The following ATOX1 variants were observed in gnomAD, a reference collection of about 807,000 sequenced individuals.
The protein encoded by ATOX1 is antioxidant 1 copper chaperone.
ATOX1 carries 4 observed loss-of-function variants against 7.3 expected under a neutral mutation model. The ratio of observed to expected loss-of-function variants is 0.55; its 90% CI spans 0.27 to 1.25. ATOX1 has a LOEUF of 1.25. Among genes scored for constraint, ATOX1 ranks in the 50% most tolerant of loss-of-function variants. The probability of loss-of-function intolerance (pLI) is 0.12; values close to 1 mark genes in which losing one functional copy is unlikely to be tolerated. For synonymous variants in ATOX1, 25 were observed against 28.7 expected, an observed-to-expected ratio of 0.87 and a Z score of 0.41; for missense variants, 68 against 81.6, an observed-to-expected ratio of 0.83 and a Z score of 0.64.
intron 1 of ATOX1, among the ~76,000 whole-genome samples, chr5:151,754,325 T>C (rs998737188): frequency 2.0e-5 from 3 of 152,182 alleles, no homozygotes; most frequent in Non-Finnish European, 4.4e-5. Flanking sequence ...AAAGTTTTTT[T>C]AGGCTGGGCA....
intron 1 of ATOX1, chr5:151,751,986 A>G (rs1187940199): frequency 2.0e-5 from 12 of 602,164 alleles, no homozygotes; most frequent in South Asian, 6.0e-5. Flanking sequence ...GTTGTATTCA[A>G]TGGAATCATC....
At chr5:151,748,617 T>C (rs532379837) in intron 2 of ATOX1, among the ~76,000 whole-genome samples, 19 of 152,260 alleles carry the variant, frequency 1.2e-4, no homozygotes, top group Admixed American at 1.1e-3. Context: ...ATCCCAGCAC[T>C]TTGGGAGGCT....
chr5:151,752,133 C>G (rs1428504400), intron 1 of ATOX1: 4 of 625,130 alleles, frequency 6.4e-6, no homozygotes, highest in Non-Finnish European at 1.1e-5. Flanking sequence ...CCACCAGTAA[C>G]TCTGACAGGG....
chr5:151,744,283 T>C (rs1761856155), intron 3 of ATOX1: 1 of 152,186 alleles, frequency 6.6e-6, no homozygotes, highest in East Asian at 1.9e-4. Flanking sequence ...ATGATAGACT[T>C]TAACCCATTT....
chr5:151,750,994 C>T (rs6579903), intron 2 of ATOX1, among the ~76,000 whole-genome samples: 2,431 of 151,870 alleles, frequency 0.016, 65 homozygotes, highest in African/African-American at 0.056. Context: ...GGGTGGCTCG[C>T]GCCTGTAATC....
At chr5:151,743,241 T>C (rs1261222666) in intron 3 of ATOX1, 1 of 152,190 alleles carries the variant, frequency 6.6e-6, no homozygotes, top group Non-Finnish European at 1.5e-5. Flanking sequence ...AAAGCCCTCT[T>C]CTGGGGAATT....
intron 2 of ATOX1, among the ~76,000 whole-genome samples, chr5:151,751,444 T>C (rs760380727): frequency 6.6e-6 from 1 of 151,982 alleles, no homozygotes; most frequent in Non-Finnish European, 1.5e-5. Flanking sequence ...GATAAGTTAT[T>C]TAATGTTTCT....
At chr5:151,757,962 C>CG (rs1000176831) in intron 1 of ATOX1, among the ~76,000 whole-genome samples, 26 of 152,256 alleles carry the variant, frequency 1.7e-4, no homozygotes, top group African/African-American at 4.3e-4. Context: ...GGTGACTGTG[C>CG]GGGGGGGTTC....
intron 2 of ATOX1, among the ~76,000 whole-genome samples, chr5:151,748,378 TG>T (rs1761903833): frequency 6.6e-6 from 1 of 152,138 alleles, no homozygotes; most frequent in Admixed American, 6.6e-5. Context: ...CCAGCTCCTG[TG>T]GCCTTTCCAG....
intron 1 of ATOX1, among the ~76,000 whole-genome samples, chr5:151,753,293 T>C (rs1581558524): frequency 6.6e-6 from 1 of 152,234 alleles, no homozygotes; most frequent in African/African-American, 2.4e-5. Flanking sequence ...CCCAAATTCC[T>C]GACTCTCAGA....
In ATOX1 at chr5:151,758,561, A is replaced by AGCGGCGGTGTGGCGGCGGTGTG. The variant is rs535615249; in HGVS notation, c.-32_-11dup. 1.6e-5 allele frequency: 23 copies of AGCGGCGGTGTGGCGGCGGTGTG among 1,427,204 alleles called. No homozygotes were observed. In the East Asian group the frequency reaches 4.5e-4, roughly 28 times the overall value. The allele number at this position is 1,427,204 out of a possible 1,614,324, so 88.4% of individuals were successfully genotyped here. A position where few individuals can be genotyped will look rare whatever the true frequency, so the allele number is the denominator to read the frequency against. On this transcript the variant is annotated 5_prime_UTR_variant, in exon 1 of 4. Transcript: ENST00000313115. ...AACCACTCACCGGCATGACTGAGGCAGCGGCGGTGTGGCGGCGGTGTGGCG... is the reference window on the plus strand; with the variant it reads ...AACCACTCACCGGCATGACTGAGGCAGCGGCGGTGTGGCGGCGGTGTGGCGGCGGTGTGGCGGCGGTGTGGCG...
At chr5:151,747,309 A>G (rs773338221) in intron 2 of ATOX1, among the ~76,000 whole-genome samples, 6 of 152,094 alleles carry the variant, frequency 3.9e-5, no homozygotes, top group Non-Finnish European at 8.8e-5. Context: ...ATTTAGAGAC[A>G]GGGTCTCACT....
chr5:151,753,129 A>G (rs1432598646), intron 1 of ATOX1, among the ~76,000 whole-genome samples: 1 of 152,182 alleles, frequency 6.6e-6, no homozygotes, highest in Non-Finnish European at 1.5e-5. Context: ...ACAAAGTGAG[A>G]GATTGAACCC....
chr5:151,751,256 CA>C (rs59348695), intron 2 of ATOX1, among the ~76,000 whole-genome samples: 7,022 of 63,508 alleles, frequency 0.11, 137 homozygotes, highest in Non-Finnish European at 0.12. Context: ...AACTCTGTCT[CA>C]AAAAAAAAAA....
At chr5:151,748,108 A>C (rs1197690285) in intron 2 of ATOX1, among the ~76,000 whole-genome samples, 2 of 152,236 alleles carry the variant, frequency 1.3e-5, no homozygotes, top group Non-Finnish European at 2.9e-5. Context: ...TATTTGGCAC[A>C]TTTTGAATGT....
At chr5:151,747,242 C>G (rs1349036598) in intron 2 of ATOX1, among the ~76,000 whole-genome samples, 1 of 151,912 alleles carries the variant, frequency 6.6e-6, no homozygotes, top group East Asian at 1.9e-4. Flanking sequence ...ACTATATAAA[C>G]AGGTCTTGCT....
intron 2 of ATOX1, among the ~76,000 whole-genome samples, chr5:151,751,275 A>G (rs1761945254): frequency 6.6e-6 from 1 of 151,916 alleles, no homozygotes; most frequent in Admixed American, 6.6e-5. Context: ...AAAAAAAAAA[A>G]AAAATTCAAT....
rs1475257242 is a variant in ATOX1, at chr5:151,746,000, T to G, written c.*46+279A>C. ...GGTCACATACTGTAAACTTAAACCC[T>G]GCTAACCATGAACTGCAACCCTCAA... On this transcript the variant is annotated intron_variant, in intron 3 of 3. Coordinates refer to ENST00000313115, the MANE Select transcript of ATOX1 (RefSeq NM_004045.4). 5 of 262,708 alleles carry G rather than the reference T, an allele frequency of 1.9e-5. No individual in the cohort carries two copies. In the Admixed American group the frequency reaches 2.4e-4, roughly 13 times the overall value. The allele number at this position is 262,708 out of a possible 1,614,324, so 16.3% of individuals were successfully genotyped here.
intron 1 of ATOX1, chr5:151,752,272 G>A: frequency 1.4e-6 from 1 of 702,518 alleles, no homozygotes; most frequent in South Asian, 1.5e-5. Flanking sequence ...CTGGGCTGGG[G>A]AATCTGTTAT....
Sources: allele counts gnomAD v4.1 joint callset (sites outside exome capture counted in the v4.1 genomes callset), GRCh38; gene constraint gnomAD v4.1.1; transcripts MANE v1.5; gene names NCBI Gene and HGNC (gene_info 2026-07-23, HGNC 2026-07-21).